VSIG1: variants seen among roughly 807,000 people sequenced by gnomAD.
The protein encoded by VSIG1 is V-set and immunoglobulin domain-containing protein 1.
A neutral mutation model predicts 20.1 loss-of-function variants in VSIG1; 11 were observed. The observed-to-expected ratio is 0.55, with a 90% CI of 0.34 to 0.91. The LOEUF is 0.91. Among genes scored for constraint, VSIG1 ranks in the 40% least tolerant of loss-of-function variants. The pLI, the probability that VSIG1 is intolerant of heterozygous loss-of-function variation, is 0.02. For missense variants in VSIG1, 283 were observed against 298.8 expected (o/e 0.95, Z 0.39); for synonymous variants, 126 against 116.7 (o/e 1.08, Z -0.52).
chrX:108,034,639 G>A, the VSIG1 span, among the ~76,000 whole-genome samples: 6 of 112,454 alleles, frequency 5.3e-5, no homozygotes, highest in African/African-American at 1.9e-4. Context: ...CATATCGAGA[G>A]CACTTACTGT....
chrX:108,076,331 C>T, intron 6 of VSIG1, 113 bp downstream of exon 6: 1 of 867,101 alleles, frequency 1.2e-6, no homozygotes, highest in Non-Finnish European at 1.6e-6. Flanking sequence ...AGGTATCTTT[C>T]TGTTTACTCT....
intron 2 of VSIG1, among the ~76,000 whole-genome samples, chrX:108,066,094 A>G (rs951806144): frequency 9.0e-6 from 1 of 111,313 alleles, no homozygotes; most frequent in Non-Finnish European, 1.9e-5. Context: ...TGATCTAAGT[A>G]TCTATGCTCT....
chrX:108,047,981 T>TATATATATATATATACAC (rs2030691371), intron 1 of VSIG1, among the ~76,000 whole-genome samples: 3 of 66,086 alleles, frequency 4.5e-5, no homozygotes, highest in African/African-American at 6.7e-5. Flanking sequence ...TATATATATA[T>TATATATATATATATACAC]ATATATATAT....
At chrX:108,075,864 T>A (rs762014799) in intron 5 of VSIG1, among the ~76,000 whole-genome samples, 54 of 111,682 alleles carry the variant, frequency 4.8e-4, no homozygotes, top group African/African-American at 1.7e-3. Context: ...CTCCTCCAAG[T>A]TGGCCACATT....
At chrX:108,071,912 A>G (rs924424443) in intron 3 of VSIG1, among the ~76,000 whole-genome samples, 33 of 107,092 alleles carry the variant, frequency 3.1e-4, no homozygotes, top group Non-Finnish European at 5.4e-4. Context: ...AAAAAAAAAG[A>G]AAATAATCAT....
At chrX:108,058,837 T>C (rs1480330851) in intron 2 of VSIG1, among the ~76,000 whole-genome samples, 1 of 111,882 alleles carries the variant, frequency 8.9e-6, no homozygotes, top group African/African-American at 3.2e-5. Flanking sequence ...TGATTTCACA[T>C]GCAAGCTGCC....
intron 1 of VSIG1, among the ~76,000 whole-genome samples, chrX:108,053,324 A>G (rs1482902176): frequency 1.8e-5 from 2 of 111,744 alleles, no homozygotes; most frequent in African/African-American, 3.2e-5. Flanking sequence ...ACTCTAGACA[A>G]TGATATTTAA....
chrX:108,038,926 T>C, the VSIG1 span, among the ~76,000 whole-genome samples: 1 of 112,068 alleles, frequency 8.9e-6, no homozygotes, highest in Middle Eastern at 4.6e-3. Context: ...TAAGAATTAA[T>C]GATATTTTTC....
chrX:108,065,871 C>G (rs2031115475), intron 2 of VSIG1, among the ~76,000 whole-genome samples: 1 of 111,897 alleles, frequency 8.9e-6, no homozygotes. Context: ...GAAAACATTA[C>G]TCTCTTTTCT....
chrX:108,049,708 C>G (rs996028794), intron 1 of VSIG1, among the ~76,000 whole-genome samples: 1 of 111,881 alleles, frequency 8.9e-6, no homozygotes, highest in Non-Finnish European at 1.9e-5. Flanking sequence ...GGGAATAAGT[C>G]TGGGAACTTT....
At chrX:108,047,943 T>TATATACAC (rs2030667980) in intron 1 of VSIG1, among the ~76,000 whole-genome samples, 3 of 33,359 alleles carry the variant, frequency 9.0e-5, no homozygotes, top group African/African-American at 1.9e-4. Context: ...TACACATATA[T>TATATACAC]ATATATATAT....
At chrX:108,031,117 G>A in the VSIG1 span, among the ~76,000 whole-genome samples, 1 of 111,281 alleles carries the variant, frequency 9.0e-6, no homozygotes, top group African/African-American at 3.3e-5. Context: ...ATACTCCTCC[G>A]CATCCCAGTT....
At chrX:108,037,788 A>C in the VSIG1 span, among the ~76,000 whole-genome samples, 1 of 112,778 alleles carries the variant, frequency 8.9e-6, no homozygotes, top group Non-Finnish European at 1.9e-5. Flanking sequence ...AATAGTGAAC[A>C]AAACAGACTG....
At chrX:108,073,502 C>T in intron 5 of VSIG1, 133 bp downstream of exon 5, 2 of 731,041 alleles carry the variant, frequency 2.7e-6, no homozygotes, top group Non-Finnish European at 4.0e-6. Context: ...TATATACAGG[C>T]TGATATGATG....
intron 2 of VSIG1, among the ~76,000 whole-genome samples, chrX:108,060,808 C>T (rs765992807): frequency 2.0e-4 from 23 of 112,417 alleles, no homozygotes; most frequent in Non-Finnish European, 3.8e-4. Flanking sequence ...CACTACGAAG[C>T]CTTCTACCCA....
the VSIG1 span, among the ~76,000 whole-genome samples, chrX:108,020,957 C>T: frequency 1.8e-5 from 2 of 111,916 alleles, no homozygotes; most frequent in Non-Finnish European, 3.8e-5. Flanking sequence ...GTTTCCAGGG[C>T]TGAGGATGGC....
chrX:108,053,115 T>C (rs896870375), intron 1 of VSIG1, among the ~76,000 whole-genome samples: 1 of 112,180 alleles, frequency 8.9e-6, no homozygotes, highest in Non-Finnish European at 1.9e-5. Context: ...ACAAAAAGAT[T>C]TGTTGCTAGC....
chrX:108,039,547 T>C, the VSIG1 span, among the ~76,000 whole-genome samples: 1 of 111,670 alleles, frequency 9.0e-6, no homozygotes, highest in Non-Finnish European at 1.9e-5. Flanking sequence ...GAGTGGAGAA[T>C]CTGAGCAAAG....
the VSIG1 span, among the ~76,000 whole-genome samples, chrX:108,031,675 T>A: frequency 8.9e-6 from 1 of 112,403 alleles, no homozygotes; most frequent in African/African-American, 3.2e-5. Flanking sequence ...AAGGAATAAT[T>A]TTATAGGTCA....
Sources: allele counts gnomAD v4.1 joint callset (sites outside exome capture counted in the v4.1 genomes callset), GRCh38; gene constraint gnomAD v4.1.1; transcripts MANE v1.5; gene names NCBI Gene and HGNC (gene_info 2026-07-23, HGNC 2026-07-21).